The following GRIA1 variants were observed in gnomAD, a reference collection of about 807,000 sequenced individuals.
GRIA1 encodes the protein glutamate receptor 1.
A neutral mutation model predicts 99.2 loss-of-function variants in GRIA1; 31 were observed. That is an observed-to-expected ratio of 0.31 (90% CI 0.23 to 0.42). GRIA1 has a LOEUF of 0.42. Among genes scored for constraint, GRIA1 ranks in the 10% least tolerant of loss-of-function variants. The pLI is 1.00. For missense variants in GRIA1, 782 were observed against 1,157.5 expected, an observed-to-expected ratio of 0.68 and a Z score of 4.71; for synonymous variants, 438 against 432.4, an observed-to-expected ratio of 1.01 and a Z score of -0.16.
chr5:153,695,820 CCG>C (rs1455733604), intron 8 of GRIA1, among the ~76,000 whole-genome samples: 6 of 152,184 alleles, frequency 3.9e-5, no homozygotes, highest in Admixed American at 2.0e-4. Context: ...CGTCAGACCT[CCG>C]AGCTGTCTCA....
intron 2 of GRIA1, among the ~76,000 whole-genome samples, chr5:153,501,321 T>A (rs1754990723): frequency 6.6e-6 from 1 of 152,156 alleles, no homozygotes; most frequent in South Asian, 2.1e-4. Context: ...GTGTATAGGT[T>A]GTAATAAACA....
intron 2 of GRIA1, among the ~76,000 whole-genome samples, chr5:153,531,195 G>T (rs1193919808): frequency 1.3e-5 from 2 of 152,180 alleles, no homozygotes; most frequent in Non-Finnish European, 2.9e-5. Flanking sequence ...AGTTGAGATG[G>T]TTCAAGTAAT....
At chr5:153,692,416 TG>T (rs1439350351) in intron 8 of GRIA1, among the ~76,000 whole-genome samples, 1 of 152,222 alleles carries the variant, frequency 6.6e-6, no homozygotes, top group Non-Finnish European at 1.5e-5. Flanking sequence ...CATTTTTAAA[TG>T]GTTGTAATAA....
chr5:153,765,449 G>A (rs1167764372), intron 12 of GRIA1, among the ~76,000 whole-genome samples: 2 of 152,144 alleles, frequency 1.3e-5, no homozygotes, highest in African/African-American at 4.8e-5. Context: ...CAAACCTTTG[G>A]GAGTCATTCT....
intron 2 of GRIA1, among the ~76,000 whole-genome samples, chr5:153,627,675 G>A (rs1370392979): frequency 6.6e-6 from 1 of 152,156 alleles, no homozygotes; most frequent in Non-Finnish European, 1.5e-5. Context: ...AGAGTGGCAT[G>A]GGAAGTGGAG....
intron 2 of GRIA1, among the ~76,000 whole-genome samples, chr5:153,516,733 C>T (rs1385716752): frequency 6.6e-6 from 1 of 152,152 alleles, no homozygotes; most frequent in African/African-American, 2.4e-5. Context: ...CTGCACTTTT[C>T]ATATCAAAGC....
intron 2 of GRIA1, among the ~76,000 whole-genome samples, chr5:153,602,364 A>C (rs1581307650): frequency 6.8e-6 from 1 of 147,152 alleles, no homozygotes; most frequent in African/African-American, 2.5e-5. Flanking sequence ...GGAACATCAC[A>C]CACTGGGGCC....
intron 2 of GRIA1, among the ~76,000 whole-genome samples, chr5:153,577,499 A>T (rs1762670366): frequency 6.6e-6 from 1 of 151,380 alleles, no homozygotes; most frequent in South Asian, 2.1e-4. Flanking sequence ...CTGTGTAGAT[A>T]ATGTGTTTGG....
chr5:153,490,184 G>A (rs535653635), upstream of GRIA1: 24 of 205,120 alleles, frequency 1.2e-4, no homozygotes, highest in African/African-American at 4.5e-4. Context: ...TATATCCAGC[G>A]CAGCCCATGC....
chr5:153,659,446 T>A (rs1045947919), intron 5 of GRIA1, among the ~76,000 whole-genome samples: 2 of 152,154 alleles, frequency 1.3e-5, no homozygotes, highest in African/African-American at 4.8e-5. Context: ...TGGCTGCCAG[T>A]GGTCCTCCAA....
At position 153,811,456 on chromosome 5, in the gene GRIA1, A is replaced by C; in HGVS notation, c.*231A>C. ...TCTGTTTGCTAAGTGAGGATGAAAAAATAACACTGTACTGCAATAAGGGGA... is the reference window on the plus strand; with the variant it reads ...TCTGTTTGCTAAGTGAGGATGAAAACATAACACTGTACTGCAATAAGGGGA... On this transcript the variant is annotated 3_prime_UTR_variant, in exon 16 of 16. Coordinates refer to ENST00000285900, the MANE Select transcript of GRIA1 (RefSeq NM_000827.4). The C allele has an allele frequency of 2.0e-6, 1 of 499,812 alleles. No homozygotes were observed. Among genetic ancestry groups the C allele is most frequent in the Non-Finnish European group, 3.7e-6 (1 of 273,654 alleles). The allele number at this position is 499,812 out of a possible 1,614,324, so 31.0% of individuals were successfully genotyped here.
At chr5:153,796,780 G>GGCCCCA (rs1478088610) in intron 14 of GRIA1, among the ~76,000 whole-genome samples, 1 of 144,088 alleles carries the variant, frequency 6.9e-6, no homozygotes, top group Non-Finnish European at 1.5e-5. Context: ...TAGATATCCT[G>GGCCCCA]CCCCCACCCC....
At chr5:153,746,946 C>T (rs1762198406) in intron 11 of GRIA1, among the ~76,000 whole-genome samples, 1 of 152,204 alleles carries the variant, frequency 6.6e-6, no homozygotes, top group African/African-American at 2.4e-5. Flanking sequence ...TGAAAAATCA[C>T]ATGAGTGGAA....
chr5:153,652,623 G>A (rs992721759), intron 4 of GRIA1, among the ~76,000 whole-genome samples: 3 of 152,192 alleles, frequency 2.0e-5, no homozygotes, highest in Admixed American at 2.0e-4. Context: ...CTTGCGTTTT[G>A]TAAAGAAGTG....
intron 12 of GRIA1, among the ~76,000 whole-genome samples, chr5:153,767,083 T>C (rs1044556795): frequency 2.0e-5 from 3 of 152,156 alleles, no homozygotes; most frequent in Admixed American, 2.0e-4. Flanking sequence ...CTCTCATGTA[T>C]ACAGGAAGGG....
chr5:153,500,610 TACACACACACACACACACAC>T (rs35636352), intron 2 of GRIA1, among the ~76,000 whole-genome samples: 4 of 120,170 alleles, frequency 3.3e-5, no homozygotes, highest in South Asian at 6.4e-4. Flanking sequence ...CCCTCTTACA[TACACACACACACACACACAC>T]ACACACACAC....
intron 14 of GRIA1, among the ~76,000 whole-genome samples, chr5:153,796,229 A>G (rs532682158): frequency 1.3e-4 from 20 of 152,234 alleles, no homozygotes; most frequent in Middle Eastern, 6.8e-3. Context: ...TCCAGGCTTT[A>G]GAGTTGAAAG....
chr5:153,504,659 C>T (rs1300081306), intron 2 of GRIA1, among the ~76,000 whole-genome samples: 1 of 152,082 alleles, frequency 6.6e-6, no homozygotes, highest in African/African-American at 2.4e-5. Flanking sequence ...CTGAGTTAAT[C>T]AAAGCTGTAG....
intron 2 of GRIA1, among the ~76,000 whole-genome samples, chr5:153,640,980 G>C (rs1162752200): frequency 6.6e-6 from 1 of 152,122 alleles, no homozygotes; most frequent in East Asian, 1.9e-4. Context: ...TACGATACAA[G>C]AGAATATAAA....
Sources: allele counts gnomAD v4.1 joint callset (sites outside exome capture counted in the v4.1 genomes callset), GRCh38; gene constraint gnomAD v4.1.1; transcripts MANE v1.5; gene names NCBI Gene and HGNC (gene_info 2026-07-23, HGNC 2026-07-21).